Variants in ELAPOR1 observed in about 807,000 individuals in gnomAD.
ELAPOR1 encodes endosome/lysosome-associated apoptosis and autophagy regulator 1.
In ELAPOR1, 77 loss-of-function variants were observed where a neutral mutation model predicts 119.7. The observed-to-expected ratio is 0.64, with a 90% CI of 0.54 to 0.78. ELAPOR1 has a LOEUF of 0.78. ELAPOR1 is among the 30% of genes least tolerant of loss of function. ELAPOR1 has a pLI of 0.00. For synonymous variants in ELAPOR1, 481 were observed against 487.2 expected (o/e 0.99, Z 0.17); for missense variants, 1,115 against 1,270.4 (o/e 0.88, Z 1.86).
Position 109,197,645 on chromosome 1 carries a change from C to G in ELAPOR1, c.2293C>G (p.Arg765Gly), listed in dbSNP as rs781016941. 1.2e-6 allele frequency: 2 copies of G among 1,613,534 alleles called. No individual in the cohort carries two copies. Among genetic ancestry groups the G allele is most frequent in the East Asian group, 4.5e-5 (2 of 44,838 alleles). The change falls in exon 16 of 22, where the codon CGA becomes GGA. Residue 765 changes from arginine to glycine, a missense_variant. Coordinates refer to ENST00000369939, the MANE Select transcript of ELAPOR1 (RefSeq NM_020775.5). ...CTCACAGCCTGTCAGCCTTGCTGAT[C>G]GACTTATTGGTGAGTAACTCCGCTG... ...VSSQPVSLAD[R>G]LIGVTTDMTL...
chr1:109,140,309 A>T (rs1649750467), intron 1 of ELAPOR1, among the ~76,000 whole-genome samples: 1 of 152,090 alleles, frequency 6.6e-6, no homozygotes, highest in African/African-American at 2.4e-5. Flanking sequence ...AATTACTTTG[A>T]GGTAAAGTGG....
intron 12 of ELAPOR1, 92 bp from the exon 13 acceptor site, chr1:109,191,634 C>A: frequency 6.5e-7 from 1 of 1,546,632 alleles, no homozygotes; most frequent in Non-Finnish European, 8.9e-7. Flanking sequence ...AAGGGTCTCA[C>A]CAACCGTGAT....
Position 109,179,498 on chromosome 1 carries a change from C to T in ELAPOR1, c.953-5547C>T, listed in dbSNP as rs904905047. Among the ~76,000 whole-genome samples the T allele has an allele frequency of 4.6e-5, 7 of 151,398 alleles. No homozygotes were observed. The East Asian group carries it at 5.8e-4, about 13-fold the overall frequency. ...TTCAGCTTGGCTGGAGATTAGGTGG[C>T]GAGAAGTTGCATCTAAGGCTGAGAA... On this transcript the variant is annotated intron_variant, in intron 7 of 21. Coordinates refer to ENST00000369939, the MANE Select transcript of ELAPOR1 (RefSeq NM_020775.5).
chr1:109,197,395 A>G, intron 15 of ELAPOR1, 79 bp from the exon 16 acceptor site: 1 of 1,246,216 alleles, frequency 8.0e-7, no homozygotes, highest in Non-Finnish European at 1.1e-6. Context: ...GATGTAAAAA[A>G]GCCTTCCCTA....
intron 7 of ELAPOR1, among the ~76,000 whole-genome samples, chr1:109,184,116 A>G (rs111344129): frequency 1.3e-5 from 2 of 152,264 alleles, no homozygotes; most frequent in African/African-American, 2.4e-5. Context: ...TCACCCCTGT[A>G]ATTCCAGCGC....
intron 14 of ELAPOR1, 121 bp downstream of exon 14, chr1:109,192,995 C>T: frequency 8.7e-7 from 1 of 1,144,846 alleles, no homozygotes; most frequent in Non-Finnish European, 1.2e-6. Flanking sequence ...TAGCATACTC[C>T]TAGGTTGGAG....
At chr1:109,142,290 T>TTG (rs1227257380) in intron 1 of ELAPOR1, among the ~76,000 whole-genome samples, 5 of 152,140 alleles carry the variant, frequency 3.3e-5, no homozygotes, top group Admixed American at 2.0e-4. Context: ...AGAAGACGTA[T>TTG]AGGTAGAAGC....
chr1:109,131,634 GA>G (rs1364915031), intron 1 of ELAPOR1, among the ~76,000 whole-genome samples: 1 of 152,126 alleles, frequency 6.6e-6, no homozygotes, highest in Non-Finnish European at 1.5e-5. Context: ...GTTAGTGAGG[GA>G]AAGGGAATAG....
At chr1:109,162,632 A>G (rs566406991) in intron 2 of ELAPOR1, among the ~76,000 whole-genome samples, 1 of 152,380 alleles carries the variant, frequency 6.6e-6, no homozygotes, top group East Asian at 1.9e-4. Context: ...CAAAGGGAAT[A>G]ACAAGAAAAA....
At chr1:109,186,679 C>T in intron 8 of ELAPOR1, 1 of 985,452 alleles carries the variant, frequency 1.0e-6, no homozygotes, top group Non-Finnish European at 1.2e-6. Flanking sequence ...TTTTCTTGGT[C>T]TCAGCCAACT....
intron 21 of ELAPOR1, among the ~76,000 whole-genome samples, chr1:109,202,603 G>A (rs1654248954): frequency 6.7e-6 from 1 of 149,066 alleles, no homozygotes; most frequent in African/African-American, 2.5e-5. Context: ...ACCATGCCTG[G>A]CTAATTTTTG....
chr1:109,191,559 C>G lies in ELAPOR1; in HGVS notation c.1545+88C>G, dbSNP rs569606356. 1.1e-4 allele frequency: 151 copies of G among 1,381,438 alleles called. No homozygotes were observed. In the African/African-American group the frequency reaches 1.8e-3, roughly 16 times the overall value. The allele number at this position is 1,381,438 out of a possible 1,614,324, so 85.6% of individuals were successfully genotyped here. A position where few individuals can be genotyped will look rare whatever the true frequency, so the allele number is the denominator to read the frequency against. On this transcript the variant is annotated intron_variant, in intron 12 of 21. Transcript: ENST00000369939. ...ATTGGTGTGTCCACGTGACTGACACCCCCCCTTGTAGTGATTCCACAGAGG... is the reference window on the plus strand; with the variant it reads ...ATTGGTGTGTCCACGTGACTGACACGCCCCCTTGTAGTGATTCCACAGAGG...
At chr1:109,166,300 G>T (rs10158318) in intron 3 of ELAPOR1, among the ~76,000 whole-genome samples, 25,624 of 152,046 alleles carry the variant, frequency 0.17, 2,413 homozygotes, top group Middle Eastern at 0.25. Context: ...TGATCCACCT[G>T]CCTCAGCCTC....
intron 1 of ELAPOR1, among the ~76,000 whole-genome samples, chr1:109,138,143 T>G (rs1185047392): frequency 2.0e-5 from 3 of 149,760 alleles, no homozygotes; most frequent in Admixed American, 6.8e-5. Flanking sequence ...TGAACCTGCT[T>G]AAGCAAGAGC....
chr1:109,131,336 T>C (rs1649137160), intron 1 of ELAPOR1, among the ~76,000 whole-genome samples: 1 of 152,126 alleles, frequency 6.6e-6, no homozygotes, highest in African/African-American at 2.4e-5. Flanking sequence ...TTTTACCACA[T>C]TCTGTTCATC....
At chr1:109,185,340 C>A (rs546679976) in intron 8 of ELAPOR1, among the ~76,000 whole-genome samples, 2 of 152,078 alleles carry the variant, frequency 1.3e-5, no homozygotes, top group Admixed American at 6.6e-5. Flanking sequence ...GTTTTTGCAG[C>A]GTTTGTTTCA....
At chr1:109,158,746 A>G (rs137947193) in intron 1 of ELAPOR1, among the ~76,000 whole-genome samples, 6,103 of 152,216 alleles carry the variant, frequency 0.04, 191 homozygotes, top group Non-Finnish European at 0.063. Context: ...TATGCAAATT[A>G]TATACTTTCA....
At chr1:109,119,084 A>G (rs1406052559) in intron 1 of ELAPOR1, among the ~76,000 whole-genome samples, 2 of 151,652 alleles carry the variant, frequency 1.3e-5, no homozygotes, top group Non-Finnish European at 2.9e-5. Flanking sequence ...TTTATTAGAG[A>G]TGGGATTTCA....
chr1:109,123,762 A>G (rs992075460), intron 1 of ELAPOR1, among the ~76,000 whole-genome samples: 15 of 152,146 alleles, frequency 9.9e-5, no homozygotes, highest in Admixed American at 2.0e-4. Flanking sequence ...TTCTCTCCAT[A>G]CTTATAGACT....
Sources: gnomAD v4.1 joint callset for allele counts (sites outside exome capture counted in the v4.1 genomes callset) on GRCh38, gnomAD v4.1.1 for gene constraint, MANE v1.5 for transcripts, NCBI Gene and HGNC (gene_info 2026-07-23, HGNC 2026-07-21) for gene names.